SPTA1: variants seen among roughly 807,000 people sequenced by gnomAD.
The protein encoded by SPTA1 is spectrin alpha, erythrocytic 1, also known as spectrin alpha chain, erythrocytic 1.
SPTA1 carries 177 observed loss-of-function variants against 324.7 expected under a neutral mutation model. The observed-to-expected ratio is 0.55, with a 90% CI of 0.48 to 0.62. SPTA1 has a LOEUF of 0.62. Ranked by LOEUF, SPTA1 falls within the 20% of genes least tolerant of loss-of-function variation. The pLI is 0.00. For missense variants in SPTA1, 3,162 were observed against 2,883.6 expected (o/e 1.10, Z -2.21); for synonymous variants, 1,195 against 1,041.3 (o/e 1.15, Z -2.84).
intron 5 of SPTA1, 71 bp downstream of exon 5, chr1:158,680,512 A>G (rs1370131652): frequency 6.2e-7 from 1 of 1,602,230 alleles, no homozygotes; most frequent in Admixed American, 1.7e-5. Context: ...ATATCCATCT[A>G]CTAATGGCCA....
Position 158,666,401 on chromosome 1 carries a change from G to C in SPTA1, c.2135C>G (p.Ser712Cys). The change falls in exon 16 of 52, where the codon TCT (serine) becomes TGT (cysteine). Residue 712 changes from serine to cysteine, a missense_variant. Physicochemically the swap from Ser to Cys is moderately radical, Grantham distance 112. Coordinates refer to ENST00000643759, the MANE Select transcript of SPTA1 (RefSeq NM_003126.4). ...GGCCAGGCCTTTCCCATAATCCTCA[G>C]AGGTGACTTGCCACTCAACATCCTC... ...WLEDVEWQVTSEDYGKGLAEV... is the reference protein window; with the variant it reads ...WLEDVEWQVTCEDYGKGLAEV... 1 of 1,613,830 alleles carries C rather than the reference G, an allele frequency of 6.2e-7. No individual in the cohort carries two copies. The highest frequency in any genetic ancestry group is 1.1e-5 in the South Asian group (1 of 91,072).
At chr1:158,683,519 T>C (rs767204941) in intron 2 of SPTA1, 23 bp from the exon 3 acceptor site, 19 of 1,612,402 alleles carry the variant, frequency 1.2e-5, no homozygotes, top group Non-Finnish European at 1.6e-5. Flanking sequence ...AATCAGAGTT[T>C]TTGTCTAATG....
rs1652530288 is a variant in SPTA1 at position 158,652,571 on chromosome 1, C to T, written c.3271G>A (p.Ala1091Thr). Residue 1091 changes from alanine to threonine, a missense_variant, in exon 23 of 52, where the codon GCA becomes ACA. Coordinates refer to ENST00000643759, the MANE Select transcript of SPTA1 (RefSeq NM_003126.4). Reference protein sequence around the residue: ...RYNEFLLAYEAGDMLEWIQEK... With the variant: ...RYNEFLLAYETGDMLEWIQEK... ...TGAATCCATTCCAGCATGTCTCCTG[C>T]CTCATAGGCCAATAAAAATTCATTA... 6 of 1,614,000 alleles carry T rather than the reference C, an allele frequency of 3.7e-6. No individual in the cohort carries two copies. In the East Asian group the frequency reaches 1.3e-4, roughly 36 times the overall value.
At chr1:158,676,394 T>C (rs1222003053) in intron 7 of SPTA1, 99 bp from the exon 8 acceptor site, 7 of 1,296,328 alleles carry the variant, frequency 5.4e-6, no homozygotes, top group Non-Finnish European at 7.6e-6. Context: ...TGAATAATAA[T>C]AATTTAGAAA....
At position 158,635,915 on chromosome 1, in the gene SPTA1, G is replaced by A. The variant is rs2101806013; in HGVS notation, c.5430C>T (p.Ala1810=). 6.2e-7 allele frequency: 1 copy of A among 1,614,110 alleles called. No homozygotes were observed. Among genetic ancestry groups the A allele is most frequent in the East Asian group, 2.2e-5 (1 of 44,874 alleles). ...HWEKLKELAK[A]RGLKLEESLE... ...TGGGCCTTCTGTATCCCACTCACCG[G>A]GCCTTGGCCAACTCTTTGAGCTTCT... The change falls in exon 38 of 52, where the codon GCC becomes GCT. Residue 1810 remains alanine (A), a splice_region_variant and synonymous_variant. Coordinates refer to ENST00000643759, the MANE Select transcript of SPTA1 (RefSeq NM_003126.4).
At chr1:158,637,148 A>G (rs1275272692) in intron 36 of SPTA1, among the ~76,000 whole-genome samples, 1 of 152,204 alleles carries the variant, frequency 6.6e-6, no homozygotes, top group Non-Finnish European at 1.5e-5. Context: ...TAATGTCAAT[A>G]ATAAATTCAG....
At chr1:158,641,675 G>A (rs1006410616) in intron 33 of SPTA1, among the ~76,000 whole-genome samples, 1 of 152,308 alleles carries the variant, frequency 6.6e-6, no homozygotes, top group East Asian at 1.9e-4. Flanking sequence ...TGCTGGAGAG[G>A]ATGTGGAGAA....
Position 158,635,971 on chromosome 1 carries a change from A to T in SPTA1, c.5374T>A (p.Leu1792Met). 2 of 1,614,110 alleles carry T rather than the reference A, an allele frequency of 1.2e-6. No homozygotes were observed. The highest frequency in any genetic ancestry group is 1.7e-6 in the Non-Finnish European group (2 of 1,180,008). Residue 1792 changes from leucine (L) to methionine (M), a missense_variant, in exon 38 of 52, where the codon TTG (leucine) becomes ATG (methionine). Leu to Met is a conservative substitution (Grantham distance 15). Transcript: ENST00000643759. ...KAAVGQEEIQ[L>M]RLAQFVEHWE... ...TGTTCAACAAACTGAGCCAGCCGCA[A>T]CTGGATCTCCTCTTGCCCCACAGCA...
At chr1:158,650,034 A>G (rs983318413) in intron 24 of SPTA1, 87 bp from the exon 25 acceptor site, 16 of 907,198 alleles carry the variant, frequency 1.8e-5, no homozygotes, top group African/African-American at 1.7e-4. Context: ...GATTTAAAAC[A>G]TAGTTGTTTT....
rs1340007136 is a variant in SPTA1, at chr1:158,627,582, T to C, written c.5664+43A>G. The C allele has an allele frequency of 3.2e-6, 5 of 1,583,282 alleles. No individual in the cohort carries two copies. In the Admixed American group the frequency reaches 5.0e-5, roughly 16 times the overall value. ...ATTTCTACATTTGGGCCAGTCCCTT[T>C]TGGAGAATGGAAGTTTGAGCTGGAA... On this transcript the variant is annotated intron_variant, in intron 40 of 51. Coordinates refer to ENST00000643759, the MANE Select transcript of SPTA1 (RefSeq NM_003126.4).
At chr1:158,677,877 C>A (rs752933490) in intron 6 of SPTA1, 43 bp from the exon 7 acceptor site, 1 of 1,612,616 alleles carries the variant, frequency 6.2e-7, no homozygotes, top group Admixed American at 1.7e-5. Context: ...AGATAGCAAG[C>A]ATTACAGGGC....
At position 158,652,539 on chromosome 1, in the gene SPTA1, T is replaced by C. The variant is rs750325684; in HGVS notation, c.3303A>G (p.Lys1101=). 6.2e-7 allele frequency: 1 copy of C among 1,614,196 alleles called. No individual in the cohort carries two copies. ...GTTCCACTCCAGTGTTTTCTGCCTT[T>C]TTCTCTTGAATCCATTCCAGCATGT... ...AGDMLEWIQE[K]KAENTGVELD... The change falls in exon 23 of 52, where the codon AAA becomes AAG. Residue 1101 remains lysine (K), a synonymous_variant. Transcript: ENST00000643759.
intron 45 of SPTA1, 45 bp from the exon 46 acceptor site, chr1:158,618,101 AGAT>A: frequency 6.3e-7 from 1 of 1,576,520 alleles, no homozygotes; most frequent in Non-Finnish European, 8.7e-7. Context: ...GAGAAAAGGG[AGAT>A]GATATGTTAA....
At chr1:158,637,706 T>C (rs974551431) in intron 36 of SPTA1, among the ~76,000 whole-genome samples, 5 of 152,232 alleles carry the variant, frequency 3.3e-5, no homozygotes, top group Non-Finnish European at 7.3e-5. Context: ...AAGGTTCTGA[T>C]CAGCTGTGTA....
Position 158,642,590 on chromosome 1 carries a change from G to A in SPTA1, c.4606-48C>T, listed in dbSNP as rs139655506. 1.2e-3 allele frequency: 1,915 copies of A among 1,608,270 alleles called. 3 individuals carry two copies. The highest frequency in any genetic ancestry group is 1.6e-3 in the Non-Finnish European group (1,831 of 1,175,724). ...ATTATATTATCTTTTTATTTATGGT[G>A]ACAAGATAAGGTAAATTGTATTTAA... is the stretch of plus-strand genomic sequence containing the variant. On this transcript the variant is annotated intron_variant, in intron 32 of 51. Transcript: ENST00000643759.
In SPTA1 at chr1:158,674,847, A is replaced by C. The variant is rs1260319368; in HGVS notation, c.1113-172T>G. ...ATTTACAGTCAGAGATTAGTGGTGCAGGTTGTAAGTCCTTCACCCCAGGTT... is the reference window on the plus strand; with the variant it reads ...ATTTACAGTCAGAGATTAGTGGTGCCGGTTGTAAGTCCTTCACCCCAGGTT... On this transcript the variant is annotated intron_variant, in intron 8 of 51. Coordinates refer to ENST00000643759, the MANE Select transcript of SPTA1 (RefSeq NM_003126.4). 2.0e-5 allele frequency among the ~76,000 whole-genome samples: 3 copies of C among 152,136 alleles called. No individual in the cohort carries two copies. In the East Asian group the frequency reaches 5.8e-4, roughly 29 times the overall value.
At position 158,683,421 on chromosome 1, in the gene SPTA1, T is replaced by C. The variant is rs1370682769; in HGVS notation, c.340A>G (p.Thr114Ala). Residue 114 changes from threonine (T) to alanine (A), a missense_variant, in exon 3 of 52, where the codon ACA (threonine) becomes GCA (alanine). Thr to Ala is a moderately conservative substitution (Grantham distance 58, BLOSUM62 0). Transcript: ENST00000643759. ...KSRLMSELEK[T>A]REERFTMGHS... ...CCCATGGTAAATCGTTCTTCCCTTGTTTTTTCCAGTTCAGACATGAGTCTT... is the reference window on the plus strand; with the variant it reads ...CCCATGGTAAATCGTTCTTCCCTTGCTTTTTCCAGTTCAGACATGAGTCTT... 4 of 1,613,440 alleles carry C rather than the reference T, an allele frequency of 2.5e-6. No individual in the cohort carries two copies. In the Admixed American group the frequency reaches 6.7e-5, roughly 27 times the overall value.
In SPTA1 at chr1:158,686,681, A is replaced by G; in HGVS notation, c.-164T>C. ...TCTTGCTTGGTCCTAGAATCCCATCAGCCATACACAATCGACATTATCTTT... is the reference window on the plus strand; with the variant it reads ...TCTTGCTTGGTCCTAGAATCCCATCGGCCATACACAATCGACATTATCTTT... On this transcript the variant is annotated 5_prime_UTR_variant, in exon 1 of 52. An upstream open reading frame in the 5' UTR loses its in-frame stop. Coordinates refer to ENST00000643759, the MANE Select transcript of SPTA1 (RefSeq NM_003126.4). 1.7e-6 allele frequency: 1 copy of G among 605,172 alleles called. No individual in the cohort carries two copies. Among genetic ancestry groups the G allele is most frequent in the South Asian group, 2.0e-5 (1 of 50,552 alleles). 37.5% of individuals were successfully genotyped at this position (605,172 alleles called of 1,614,324 possible).
intron 18 of SPTA1, among the ~76,000 whole-genome samples, chr1:158,659,284 T>C (rs1454413529): frequency 1.3e-5 from 2 of 152,086 alleles, no homozygotes; most frequent in Non-Finnish European, 2.9e-5. Context: ...TATTTGAAAT[T>C]AGACTATGAT....
Sources: allele counts gnomAD v4.1 joint callset (sites outside exome capture counted in the v4.1 genomes callset), GRCh38; gene constraint gnomAD v4.1.1; transcripts MANE v1.5; gene names NCBI Gene and HGNC (gene_info 2026-07-23, HGNC 2026-07-21).